STXBP5: variants seen among roughly 807,000 people sequenced by gnomAD.
The protein encoded by STXBP5 is syntaxin binding protein 5, also known as syntaxin-binding protein 5.
STXBP5 carries 50 observed loss-of-function variants against 152.4 expected under a neutral mutation model. The observed-to-expected ratio is 0.33, with a 90% CI of 0.26 to 0.42. STXBP5 has a LOEUF of 0.42. Among genes scored for constraint, STXBP5 ranks in the 10% least tolerant of loss-of-function variants. The probability of loss-of-function intolerance (pLI) is 1.00; values close to 1 mark genes in which losing one functional copy is unlikely to be tolerated. For synonymous variants in STXBP5, 492 were observed against 494.7 expected, an observed-to-expected ratio of 0.99 and a Z score of 0.07; for missense variants, 1,167 against 1,388.6, an observed-to-expected ratio of 0.84 and a Z score of 2.54.
At chr6:147,289,341 T>C (rs1781159188) in intron 8 of STXBP5, among the ~76,000 whole-genome samples, 1 of 152,216 alleles carries the variant, frequency 6.6e-6, no homozygotes, top group Non-Finnish European at 1.5e-5. Context: ...GGGTGAACTT[T>C]AAGATCGCTT....
intron 7 of STXBP5, among the ~76,000 whole-genome samples, chr6:147,276,650 A>G (rs1562456608): frequency 6.6e-6 from 1 of 152,114 alleles, no homozygotes; most frequent in Non-Finnish European, 1.5e-5. Context: ...AGCACTGCTC[A>G]TGTTTTTGCA....
intron 26 of STXBP5, among the ~76,000 whole-genome samples, chr6:147,382,077 A>G (rs1283933653): frequency 6.6e-6 from 1 of 152,176 alleles, no homozygotes; most frequent in Non-Finnish European, 1.5e-5. Context: ...ATGTAAGCTG[A>G]GGAACCAGGA....
In STXBP5 at chr6:147,385,113, C is replaced by A; in HGVS notation, c.*358C>A. Reference sequence around the variant, plus strand: ...GCCAAAAGGGTTTGTGCCGTTTTATCTGCCATCAGTGTTTGACCTGTTTAG... The same window carrying A: ...GCCAAAAGGGTTTGTGCCGTTTTATATGCCATCAGTGTTTGACCTGTTTAG... On this transcript the variant is annotated 3_prime_UTR_variant, in exon 28 of 28. Coordinates refer to ENST00000321680, the MANE Select transcript of STXBP5 (RefSeq NM_001127715.4). 4.2e-6 allele frequency: 1 copy of A among 237,496 alleles called. No homozygotes were observed. The highest frequency in any genetic ancestry group is 8.1e-6 in the Non-Finnish European group (1 of 123,730). The allele number at this position is 237,496 out of a possible 1,614,324, so 14.7% of individuals were successfully genotyped here.
At chr6:147,322,268 C>T (rs1324551492) in intron 16 of STXBP5, among the ~76,000 whole-genome samples, 3 of 152,204 alleles carry the variant, frequency 2.0e-5, no homozygotes, top group Admixed American at 1.3e-4. Context: ...TCAGTTGTTA[C>T]TCTGTCGCTT....
chr6:147,261,642 T>TA (rs1779644609), intron 5 of STXBP5, among the ~76,000 whole-genome samples: 1 of 151,922 alleles, frequency 6.6e-6, no homozygotes, highest in Admixed American at 6.6e-5. Flanking sequence ...AGTCCTTTGG[T>TA]AGGGTGGGTT....
intron 6 of STXBP5, among the ~76,000 whole-genome samples, chr6:147,264,156 C>G (rs1304814798): frequency 6.6e-6 from 1 of 151,828 alleles, no homozygotes; most frequent in Non-Finnish European, 1.5e-5. Context: ...CTTTTAGACT[C>G]TTTCCTGTTT....
At chr6:147,379,866 A>G (rs1013555665) in intron 26 of STXBP5, among the ~76,000 whole-genome samples, 1 of 152,162 alleles carries the variant, frequency 6.6e-6, no homozygotes, top group Non-Finnish European at 1.5e-5. Context: ...TCAAAAATGA[A>G]ATTAAGAAAA....
intron 21 of STXBP5, among the ~76,000 whole-genome samples, chr6:147,344,182 T>C (rs1477280470): frequency 1.3e-5 from 2 of 152,220 alleles, no homozygotes; most frequent in African/African-American, 4.8e-5. Flanking sequence ...GTCAAATTTC[T>C]TAATAAAATG....
chr6:147,330,954 A>G (rs555135541), intron 18 of STXBP5, among the ~76,000 whole-genome samples: 8 of 152,356 alleles, frequency 5.3e-5, no homozygotes, highest in South Asian at 2.1e-4. Context: ...GTGCTGCAAC[A>G]GAACAGCTGA....
chr6:147,387,560 AT>A lies in STXBP5; in HGVS notation c.*2807del, dbSNP rs1786400291. The A allele has an allele frequency of 6.6e-6, 1 of 151,758 alleles. No individual in the cohort carries two copies. The highest frequency in any genetic ancestry group is 1.5e-5 in the Non-Finnish European group (1 of 67,764). The allele number at this position is 151,758 out of a possible 1,614,324, so 9.4% of individuals were successfully genotyped here. A position where few individuals can be genotyped will look rare whatever the true frequency, so the allele number is the denominator to read the frequency against. ...TATTTGAAATCTTATATTCTGACAA[AT>A]TCTGTACATTACATCCATTTGAAGT... On this transcript the variant is annotated 3_prime_UTR_variant, in exon 28 of 28. Coordinates refer to ENST00000321680, the MANE Select transcript of STXBP5 (RefSeq NM_001127715.4).
intron 2 of STXBP5, among the ~76,000 whole-genome samples, chr6:147,225,663 T>TGGTAGTGAC (rs1777673654): frequency 6.6e-6 from 1 of 152,204 alleles, no homozygotes; most frequent in Non-Finnish European, 1.5e-5. Context: ...TAATACACAG[T>TGGTAGTGAC]GGTAGTGACG....
intron 9 of STXBP5, among the ~76,000 whole-genome samples, chr6:147,304,123 C>G (rs1582915756): frequency 6.6e-6 from 1 of 152,264 alleles, no homozygotes; most frequent in African/African-American, 2.4e-5. Context: ...AGGGTAAATG[C>G]CTCCAGGGCA....
intron 2 of STXBP5, among the ~76,000 whole-genome samples, chr6:147,218,251 T>C (rs1309198642): frequency 6.6e-6 from 1 of 152,228 alleles, no homozygotes; most frequent in Non-Finnish European, 1.5e-5. Flanking sequence ...TTTATGTGTT[T>C]AGACAAATAT....
rs200414423 is a variant in STXBP5 at position 147,308,380 on chromosome 6, T to C, written c.918-1704T>C. Among the ~76,000 whole-genome samples, 26 of 152,322 alleles carry C rather than the reference T, an allele frequency of 1.7e-4. No individual in the cohort carries two copies. In the East Asian group the frequency reaches 3.9e-3, roughly 23 times the overall value. ...AACTGCTATTTAGCTAGAGAAACAT[T>C]ATCCAAATCAATTAGTGCTAAAAAA... On this transcript the variant is annotated intron_variant, in intron 9 of 27. Coordinates refer to ENST00000321680, the MANE Select transcript of STXBP5 (RefSeq NM_001127715.4).
At chr6:147,362,079 G>A (rs1785089908) in intron 23 of STXBP5, among the ~76,000 whole-genome samples, 2 of 152,094 alleles carry the variant, frequency 1.3e-5, no homozygotes, top group South Asian at 4.1e-4. Flanking sequence ...GCATTGGACA[G>A]ATATGTAGCT....
intron 2 of STXBP5, among the ~76,000 whole-genome samples, chr6:147,206,950 G>GCATACA (rs1213910105): frequency 3.3e-5 from 5 of 151,420 alleles, no homozygotes; most frequent in Non-Finnish European, 7.4e-5. Flanking sequence ...TCTATCTGTG[G>GCATACA]GATATCTACC....
rs188060489 is a variant in STXBP5 at position 147,297,265 on chromosome 6, G to A, written c.917+6093G>A. Among the ~76,000 whole-genome samples, 179 of 152,272 alleles carry A rather than the reference G, an allele frequency of 1.2e-3. 2 individuals are homozygous for A. The highest frequency in any genetic ancestry group is 4.1e-3 in the African/African-American group (170 of 41,544). On this transcript the variant is annotated intron_variant, in intron 9 of 27. Transcript: ENST00000321680. ...TAGATTATCAACGGATTTCTCAGCA[G>A]AAGCCTTGCAGGTTAGTAGAGAATG...
chr6:147,328,889 A>G, intron 18 of STXBP5: 2 of 373,000 alleles, frequency 5.4e-6, no homozygotes, highest in South Asian at 4.3e-5. Flanking sequence ...AAAACACTGT[A>G]CTCATTACTT....
Position 147,204,817 on chromosome 6 carries a change from C to G in STXBP5, c.150+135C>G. 1 of 1,021,882 alleles carries G rather than the reference C, an allele frequency of 9.8e-7. No homozygotes were observed. Among genetic ancestry groups the G allele is most frequent in the South Asian group, 2.1e-5 (1 of 48,526 alleles). The allele number at this position is 1,021,882 out of a possible 1,614,324, so 63.3% of individuals were successfully genotyped here. A position where few individuals can be genotyped will look rare whatever the true frequency, so the allele number is the denominator to read the frequency against. On this transcript the variant is annotated intron_variant, in intron 1 of 27. Coordinates refer to ENST00000321680, the MANE Select transcript of STXBP5 (RefSeq NM_001127715.4). The surrounding 1 kb of genome is among the most constrained non-coding windows in gnomAD (Gnocchi z 4.3). ...ATAATAATAACTCTAATAAAAGGCTCGCTCCTCCCTTGGCAAACGTTTCTT... is the reference window on the plus strand; with the variant it reads ...ATAATAATAACTCTAATAAAAGGCTGGCTCCTCCCTTGGCAAACGTTTCTT...
Sources: gnomAD v4.1 joint callset for allele counts (sites outside exome capture counted in the v4.1 genomes callset) on GRCh38, gnomAD v4.1.1 for gene constraint, Gnocchi (gnomAD v3.1) non-coding constraint, MANE v1.5 for transcripts, NCBI Gene and HGNC (gene_info 2026-07-23, HGNC 2026-07-21) for gene names.